EPB41L2: variants seen among roughly 807,000 people sequenced by gnomAD.
EPB41L2 encodes the protein band 4.1-like protein 2.
In EPB41L2, 43 loss-of-function variants were observed where a neutral mutation model predicts 113.0. The observed-to-expected ratio is 0.38, with a 90% CI of 0.30 to 0.49. The LOEUF is 0.49. Among genes scored for constraint, EPB41L2 ranks in the 20% least tolerant of loss-of-function variants. The probability of loss-of-function intolerance (pLI) is 0.95; values close to 1 mark genes in which losing one functional copy is unlikely to be tolerated. For synonymous variants in EPB41L2, 442 were observed against 436.7 expected, an observed-to-expected ratio of 1.01 and a Z score of -0.15; for missense variants, 1,147 against 1,223.4, an observed-to-expected ratio of 0.94 and a Z score of 0.93.
At chr6:130,858,095 C>G (rs1268756556) in intron 19 of EPB41L2, 36 bp downstream of exon 19, 6 of 1,494,912 alleles carry the variant, frequency 4.0e-6, no homozygotes, top group Non-Finnish European at 4.7e-6. Context: ...ACAGAGCAGT[C>G]ACTAGAAAGG....
intron 14 of EPB41L2, chr6:130,870,452 TC>T: frequency 6.8e-7 from 1 of 1,462,260 alleles, no homozygotes; most frequent in South Asian, 1.2e-5. Context: ...GAAACAAACA[TC>T]TGACACTGCA....
chr6:130,911,076 GTATGTTTATTGCAGC>G (rs1342275082), intron 4 of EPB41L2, among the ~76,000 whole-genome samples: 1 of 152,152 alleles, frequency 6.6e-6, no homozygotes, highest in Non-Finnish European at 1.5e-5. Flanking sequence ...ACATGCACAC[GTATGTTTATTGCAGC>G]ACTATTCACA....
chr6:131,052,352 G>A (rs962479444), intron 1 of EPB41L2, among the ~76,000 whole-genome samples: 2 of 152,178 alleles, frequency 1.3e-5, no homozygotes, highest in Admixed American at 6.5e-5. Context: ...CAGAAAAAGA[G>A]GCGAAGGAAT....
In EPB41L2 at chr6:130,934,811, T is replaced by C. The variant is rs1182427983; in HGVS notation, c.706-8102A>G. Reference sequence around the variant, plus strand: ...TTTTTGTTTTCTTTTTTTTTTTTTTTTGTAACTGAAAAATTTTTTTCAAAC... The same window carrying C: ...TTTTTGTTTTCTTTTTTTTTTTTTTCTGTAACTGAAAAATTTTTTTCAAAC... On this transcript the variant is annotated intron_variant, in intron 3 of 19. Coordinates refer to ENST00000337057, the MANE Select transcript of EPB41L2 (RefSeq NM_001431.4). Among the ~76,000 whole-genome samples the C allele has an allele frequency of 1.6e-4, 24 of 151,260 alleles. No homozygotes were observed. In the East Asian group the frequency reaches 4.6e-3, roughly 29 times the overall value.
At chr6:130,942,691 T>C (rs1811283110) in intron 3 of EPB41L2, among the ~76,000 whole-genome samples, 1 of 152,164 alleles carries the variant, frequency 6.6e-6, no homozygotes. Context: ...CCATGGTGGT[T>C]TGCTGCACCC....
At chr6:131,059,381 T>G (rs1185862415) in intron 1 of EPB41L2, among the ~76,000 whole-genome samples, 1 of 152,118 alleles carries the variant, frequency 6.6e-6, no homozygotes. Context: ...CCCAAAGAGG[T>G]GGGATTACAG....
intron 3 of EPB41L2, among the ~76,000 whole-genome samples, chr6:130,942,217 G>GCACCTAATTC (rs1322958795): frequency 6.6e-6 from 1 of 152,196 alleles, no homozygotes; most frequent in Non-Finnish European, 1.5e-5. Flanking sequence ...TGAATAGAAT[G>GCACCTAATTC]CACCTAATTC....
At chr6:131,003,040 T>C (rs1206096772) in intron 1 of EPB41L2, among the ~76,000 whole-genome samples, 1 of 152,206 alleles carries the variant, frequency 6.6e-6, no homozygotes, top group Non-Finnish European at 1.5e-5. Flanking sequence ...AGCAAGTTAT[T>C]TGATTTCACT....
chr6:131,052,134 G>A (rs745584191), intron 1 of EPB41L2, among the ~76,000 whole-genome samples: 2 of 151,840 alleles, frequency 1.3e-5, no homozygotes, highest in Non-Finnish European at 2.9e-5. Context: ...ATGGGGTTTT[G>A]CCATGTTGGC....
intron 16 of EPB41L2, among the ~76,000 whole-genome samples, chr6:130,866,598 T>A (rs1302738756): frequency 1.3e-5 from 2 of 152,234 alleles, no homozygotes; most frequent in Non-Finnish European, 2.9e-5. Flanking sequence ...ATATCCAAAA[T>A]AATTTTCAGA....
intron 1 of EPB41L2, among the ~76,000 whole-genome samples, chr6:131,049,356 G>A (rs964753312): frequency 2.0e-4 from 30 of 152,122 alleles, no homozygotes; most frequent in Non-Finnish European, 3.8e-4. Flanking sequence ...TCTTTGCAGT[G>A]GACAGACCCA....
intron 1 of EPB41L2, among the ~76,000 whole-genome samples, chr6:131,038,176 T>A (rs1793738689): frequency 6.6e-6 from 1 of 152,158 alleles, no homozygotes; most frequent in South Asian, 2.1e-4. Flanking sequence ...TATAATAAAA[T>A]TTTAAGCAAT....
At chr6:130,900,272 A>G (rs570337080) in intron 7 of EPB41L2, among the ~76,000 whole-genome samples, 2 of 151,900 alleles carry the variant, frequency 1.3e-5, no homozygotes, top group African/African-American at 4.8e-5. Flanking sequence ...TGGCCTGTTT[A>G]AAAACCTAAT....
chr6:130,869,716 T>C lies in EPB41L2; in HGVS notation c.2454A>G (p.Val818=), dbSNP rs1241594591. 1.2e-6 allele frequency: 2 copies of C among 1,614,202 alleles called. No homozygotes were observed. The highest frequency in any genetic ancestry group is 1.1e-5 in the South Asian group (1 of 91,080). ...TCTCTCCGGGTATCTTTTGGGCACC[T>C]ACATTTTCCTGGATCACTGTTTCTA... The part of the protein sequence containing the change: ...ITVETVIQEN[V]GAQKIPGEKS... Residue 818 remains valine, a synonymous_variant, in exon 15 of 20, where the codon GTA becomes GTG. Coordinates refer to ENST00000337057, the MANE Select transcript of EPB41L2 (RefSeq NM_001431.4).
In EPB41L2 at chr6:130,903,083, T is replaced by C. The variant is rs550941979; in HGVS notation, c.929+1382A>G. 3.9e-5 allele frequency among the ~76,000 whole-genome samples: 6 copies of C among 152,192 alleles called. No homozygotes were observed. The East Asian group carries it at 1.2e-3, about 29-fold the overall frequency. On this transcript the variant is annotated intron_variant, in intron 6 of 19. Coordinates refer to ENST00000337057, the MANE Select transcript of EPB41L2 (RefSeq NM_001431.4). ...TTCCTCCCACTAGACAGGGAGACTGTTCAAGTTCCATTTATATGGAAAACC... is the reference window on the plus strand; with the variant it reads ...TTCCTCCCACTAGACAGGGAGACTGCTCAAGTTCCATTTATATGGAAAACC...
At chr6:130,959,475 GA>G (rs1818617881) in intron 1 of EPB41L2, among the ~76,000 whole-genome samples, 1 of 152,188 alleles carries the variant, frequency 6.6e-6, no homozygotes, top group African/African-American at 2.4e-5. Flanking sequence ...AGGGCCAGAA[GA>G]AATATGTAGT....
chr6:130,865,821 T>C (rs1265041023), intron 16 of EPB41L2, 187 bp from the exon 17 acceptor site: 4 of 565,110 alleles, frequency 7.1e-6, no homozygotes, highest in East Asian at 3.0e-5. Flanking sequence ...TAGGTGCACA[T>C]GGAGAAGCAA....
chr6:130,972,712 G>C (rs745654243), intron 1 of EPB41L2, among the ~76,000 whole-genome samples: 2 of 151,672 alleles, frequency 1.3e-5, no homozygotes, highest in Non-Finnish European at 2.9e-5. Context: ...GTCTTTAATG[G>C]GTCTCTTGTA....
At chr6:130,954,055 T>C (rs1413301182) in intron 3 of EPB41L2, among the ~76,000 whole-genome samples, 9 of 105,152 alleles carry the variant, frequency 8.6e-5, no homozygotes, top group Non-Finnish European at 1.2e-4. Flanking sequence ...TTTTTTTTTT[T>C]TTTTTTTTTT....
Sources: allele counts gnomAD v4.1 joint callset (sites outside exome capture counted in the v4.1 genomes callset), GRCh38; gene constraint gnomAD v4.1.1; transcripts MANE v1.5; gene names NCBI Gene and HGNC (gene_info 2026-07-23, HGNC 2026-07-21).